Variants in SAMD5 observed in about 807,000 individuals in gnomAD.
The protein encoded by SAMD5 is sterile alpha motif domain containing 5, also known as sterile alpha motif domain-containing protein 5.
SAMD5 carries 13 observed loss-of-function variants against 11.3 expected under a neutral mutation model. That is an observed-to-expected ratio of 1.15 (90% CI 0.75 to 1.83). The LOEUF (loss-of-function observed/expected upper bound fraction) is 1.83. Among genes scored for constraint, SAMD5 ranks in the 40% most tolerant of loss-of-function variants. The pLI is 0.00. For missense variants in SAMD5, 255 were observed against 239.1 expected (o/e 1.07, Z -0.44); for synonymous variants, 129 against 111.3 (o/e 1.16, Z -1.00).
the SAMD5 span, among the ~76,000 whole-genome samples, chr6:147,926,930 T>C: frequency 6.6e-6 from 1 of 152,084 alleles, no homozygotes; most frequent in Non-Finnish European, 1.5e-5. Context: ...TGAACAGTGC[T>C]GTAGCCATTG....
chr6:147,840,051 T>TC, the SAMD5 span, among the ~76,000 whole-genome samples: 1 of 152,242 alleles, frequency 6.6e-6, no homozygotes, highest in African/African-American at 2.4e-5. Context: ...TTAATTTTTC[T>TC]AAATTCATGT....
At chr6:147,660,854 G>T (rs190191700) in intron 1 of SAMD5, 68 of 152,292 alleles carry the variant, frequency 4.5e-4, no homozygotes, top group African/African-American at 1.5e-3. Context: ...TTATAAATTA[G>T]CCAGTCTCAG....
At chr6:147,643,335 A>C (rs1469738701) in intron 1 of SAMD5, among the ~76,000 whole-genome samples, 2 of 152,162 alleles carry the variant, frequency 1.3e-5, no homozygotes, top group East Asian at 3.9e-4. Flanking sequence ...AGTTCTTTCA[A>C]TCATGTGGGT....
At chr6:147,528,304 T>C (rs1166710900) in intron 1 of SAMD5, among the ~76,000 whole-genome samples, 1 of 152,188 alleles carries the variant, frequency 6.6e-6, no homozygotes, top group Non-Finnish European at 1.5e-5. Flanking sequence ...AATTTTATTT[T>C]CTCACAGTTC....
chr6:147,626,791 GAAAAAAAAAA>G (rs529975933), intron 1 of SAMD5, among the ~76,000 whole-genome samples: 14 of 54,728 alleles, frequency 2.6e-4, no homozygotes, highest in East Asian at 6.9e-4. Flanking sequence ...CTGTTTCTAT[GAAAAAAAAAA>G]AAAAAAAAAA....
intron 1 of SAMD5, among the ~76,000 whole-genome samples, chr6:147,728,712 A>G (rs937699483): frequency 5.9e-5 from 9 of 152,222 alleles, no homozygotes; most frequent in Non-Finnish European, 1.0e-4. Flanking sequence ...ATTTTAAAAA[A>G]TAGGCCAGTC....
the SAMD5 span, among the ~76,000 whole-genome samples, chr6:147,818,028 T>A: frequency 6.6e-6 from 1 of 152,212 alleles, no homozygotes; most frequent in African/African-American, 2.4e-5. Context: ...TAGCTTACTT[T>A]TTTTGGAAGA....
At chr6:147,693,746 A>G (rs532423153) in intron 1 of SAMD5, among the ~76,000 whole-genome samples, 2 of 152,020 alleles carry the variant, frequency 1.3e-5, no homozygotes, top group South Asian at 2.1e-4. Flanking sequence ...TAGGCGGGGG[A>G]TCACCTGAGG....
At chr6:147,539,094 G>T (rs903147118) in intron 1 of SAMD5, among the ~76,000 whole-genome samples, 1 of 152,178 alleles carries the variant, frequency 6.6e-6, no homozygotes, top group Non-Finnish European at 1.5e-5. Flanking sequence ...TAGGGCCAAA[G>T]AAGCAGCAAG....
At chr6:147,638,783 G>C (rs2128452129) in intron 1 of SAMD5, among the ~76,000 whole-genome samples, 1 of 152,234 alleles carries the variant, frequency 6.6e-6, no homozygotes, top group East Asian at 1.9e-4. Flanking sequence ...AATATTTTCT[G>C]TTTTACATGA....
At chr6:147,883,848 G>A in the SAMD5 span, among the ~76,000 whole-genome samples, 1 of 152,104 alleles carries the variant, frequency 6.6e-6, no homozygotes, top group Non-Finnish European at 1.5e-5. Flanking sequence ...GTGAATATTT[G>A]CCTCTTCCTA....
chr6:147,554,347 G>A (rs562273721), intron 1 of SAMD5, among the ~76,000 whole-genome samples: 1 of 152,176 alleles, frequency 6.6e-6, no homozygotes, highest in Non-Finnish European at 1.5e-5. Flanking sequence ...ATGCAAATGT[G>A]CCTGGGAAAG....
rs1467412905 is a variant in SAMD5, at chr6:147,509,221, C to T, written c.293C>T (p.Pro98Leu). 2 of 1,373,330 alleles carry T rather than the reference C, an allele frequency of 1.5e-6. No individual in the cohort carries two copies. Among genetic ancestry groups the T allele is most frequent in the African/African-American group, 1.5e-5 (1 of 66,124 alleles). The allele number at this position is 1,373,330 out of a possible 1,614,324, so 85.1% of individuals were successfully genotyped here. The change falls in exon 1 of 2, where the codon CCG (proline) becomes CTG (leucine). Residue 98 changes from proline (P) to leucine (L), a missense_variant. Physicochemically the swap from Pro to Leu is moderately conservative, Grantham distance 98. Transcript: ENST00000367474. ...DAVPTGRRGE[P>L]CGGPAQGTRG... is the part of the protein sequence containing the mutation. The stretch of plus-strand genomic sequence containing the variant: ...GTCCCCACCGGCCGCCGGGGGGAGC[C>T]GTGCGGCGGCCCGGCCCAGGGCACC...
At chr6:147,790,785 TC>T in the SAMD5 span, among the ~76,000 whole-genome samples, 103 of 112,552 alleles carry the variant, frequency 9.2e-4, 1 homozygote, top group African/African-American at 2.3e-3. Context: ...TCTCTCTCTC[TC>T]TCTCTCTCTC....
intron 1 of SAMD5, among the ~76,000 whole-genome samples, chr6:147,633,411 C>T (rs1790180744): frequency 6.6e-6 from 1 of 152,052 alleles, no homozygotes; most frequent in African/African-American, 2.4e-5. Context: ...GGGGAAATAG[C>T]CAATGACATT....
At chr6:147,603,222 G>T (rs961489630) in intron 1 of SAMD5, among the ~76,000 whole-genome samples, 5 of 152,022 alleles carry the variant, frequency 3.3e-5, no homozygotes, top group South Asian at 2.1e-4. Context: ...ATTGAGTTTC[G>T]GGGACATATT....
the SAMD5 span, among the ~76,000 whole-genome samples, chr6:147,771,781 G>A: frequency 6.6e-6 from 1 of 152,138 alleles, no homozygotes; most frequent in Admixed American, 6.5e-5. Flanking sequence ...GATAAGGGAT[G>A]GAGTGTCTAC....
chr6:147,753,337 C>T, the SAMD5 span, among the ~76,000 whole-genome samples: 441 of 152,264 alleles, frequency 2.9e-3, 2 homozygotes, highest in African/African-American at 0.01. Flanking sequence ...ACAGACGCCC[C>T]TACTCATAGT....
chr6:147,716,426 G>A (rs367743488), intron 1 of SAMD5, among the ~76,000 whole-genome samples: 35 of 152,356 alleles, frequency 2.3e-4, no homozygotes, highest in African/African-American at 7.5e-4. Context: ...CCCTGAGAGT[G>A]CAGAGATGCC....
Sources: gnomAD v4.1 joint callset for allele counts (sites outside exome capture counted in the v4.1 genomes callset) on GRCh38, gnomAD v4.1.1 for gene constraint, MANE v1.5 for transcripts, NCBI Gene and HGNC (gene_info 2026-07-23, HGNC 2026-07-21) for gene names.